The following DARS1 variants were observed in gnomAD, a reference collection of about 807,000 sequenced individuals.
The protein encoded by DARS1 is aspartyl-tRNA synthetase 1, also known as aspartate--tRNA ligase, cytoplasmic.
In DARS1, 51 loss-of-function variants were observed where a neutral mutation model predicts 68.8. The observed-to-expected ratio is 0.74, with a 90% CI of 0.59 to 0.94. The LOEUF (loss-of-function observed/expected upper bound fraction) is 0.94. DARS1 is among the 40% of genes least tolerant of loss of function. The pLI is 0.00. For missense variants in DARS1, 607 were observed against 597.3 expected, an observed-to-expected ratio of 1.02 and a Z score of -0.17; for synonymous variants, 203 against 190.4, an observed-to-expected ratio of 1.07 and a Z score of -0.55.
At chr2:135,954,325 CAAAA>C (rs1172207033) in intron 4 of DARS1, among the ~76,000 whole-genome samples, 5 of 81,478 alleles carry the variant, frequency 6.1e-5, no homozygotes, top group South Asian at 4.0e-4. Context: ...AAAACAAAAC[CAAAA>C]AAAAAAAAAA....
intron 4 of DARS1, among the ~76,000 whole-genome samples, chr2:135,948,095 T>C (rs1232174766): frequency 6.6e-6 from 1 of 152,232 alleles, no homozygotes. Flanking sequence ...TTTTTTTTCT[T>C]AGCACACCTT....
intron 10 of DARS1, among the ~76,000 whole-genome samples, chr2:135,917,053 C>T (rs546492118): frequency 1.3e-5 from 2 of 151,706 alleles, no homozygotes; most frequent in South Asian, 2.1e-4. Flanking sequence ...TGGGTGTGGT[C>T]GGGAGGCTGA....
chr2:135,976,572 G>A (rs1443066434), intron 3 of DARS1, among the ~76,000 whole-genome samples: 1 of 151,732 alleles, frequency 6.6e-6, no homozygotes, highest in African/African-American at 2.4e-5. Flanking sequence ...GAGGCAGGAG[G>A]CACTATCAAT....
intron 5 of DARS1, among the ~76,000 whole-genome samples, chr2:135,942,369 CT>C (rs1681621030): frequency 6.6e-6 from 1 of 151,866 alleles, no homozygotes; most frequent in African/African-American, 2.4e-5. Context: ...GTGGATGAAG[CT>C]GGAAACCATC....
chr2:135,913,589 T>C, intron 12 of DARS1, among the ~76,000 whole-genome samples: 1 of 152,036 alleles, frequency 6.6e-6, no homozygotes, highest in East Asian at 1.9e-4. Flanking sequence ...AAACCCTATC[T>C]CTACTAAAAA....
At chr2:135,916,476 A>C (rs1173582285) in intron 10 of DARS1, 104 bp from the exon 11 acceptor site, 1 of 542,550 alleles carries the variant, frequency 1.8e-6, no homozygotes, top group Non-Finnish European at 3.3e-6. Context: ...ATCAGTATAT[A>C]CACCAGGAAA....
At chr2:135,951,997 TTGGGAGGCTGAGGCGGG>T (rs1224951641) in intron 4 of DARS1, among the ~76,000 whole-genome samples, 5 of 152,138 alleles carry the variant, frequency 3.3e-5, no homozygotes, top group African/African-American at 7.2e-5. Context: ...TCCCTGCACT[TTGGGAGGCTGAGGCGGG>T]TGGATCACCT....
rs761071417 is a variant in DARS1, at chr2:135,979,349, C to T, written c.142G>A (p.Val48Ile). Residue 48 changes from valine (V) to isoleucine (I), a missense_variant, in exon 3 of 16, where the codon GTT becomes ATT. By Grantham distance (29) the Val-to-Ile change is conservative. Transcript: ENST00000264161. The part of the protein sequence containing the change: ...QEKPDRVLVR[V>I]RDLTIQKADE... ...GCTTTTTGTATTGTCAAGTCTCTAA[C>T]CCGAACCAAAACTCGATCTGTAATA... 5 of 1,444,194 alleles carry T rather than the reference C, an allele frequency of 3.5e-6. No homozygotes were observed. The highest frequency in any genetic ancestry group is 2.8e-5 in the African/African-American group (2 of 71,744). 89.5% of individuals were successfully genotyped at this position (1,444,194 alleles called of 1,614,324 possible). A position where few individuals can be genotyped will look rare whatever the true frequency, so the allele number is the denominator to read the frequency against.
At chr2:135,973,553 A>C (rs1682432271) in intron 3 of DARS1, among the ~76,000 whole-genome samples, 2 of 152,078 alleles carry the variant, frequency 1.3e-5, no homozygotes, top group Admixed American at 1.3e-4. Context: ...TGTACATTTA[A>C]AAATAACTAA....
At chr2:135,917,062 G>A (rs1253878665) in intron 10 of DARS1, among the ~76,000 whole-genome samples, 1 of 152,122 alleles carries the variant, frequency 6.6e-6, no homozygotes, top group Admixed American at 6.6e-5. Flanking sequence ...TCGGGAGGCT[G>A]AGGCAGGAGA....
At chr2:135,925,284 T>C (rs1681189984) in intron 7 of DARS1, among the ~76,000 whole-genome samples, 1 of 152,222 alleles carries the variant, frequency 6.6e-6, no homozygotes, top group South Asian at 2.1e-4. Flanking sequence ...TCCTGGCTTA[T>C]TATATTTTTA....
intron 3 of DARS1, among the ~76,000 whole-genome samples, chr2:135,971,532 C>T (rs933793134): frequency 9.9e-5 from 15 of 152,012 alleles, no homozygotes; most frequent in Middle Eastern, 3.2e-3. Flanking sequence ...ATCTGGAACA[C>T]GACAAGGATG....
rs191010528 is a variant in DARS1, at chr2:135,907,200, C to T, written c.*116G>A. 1.8e-4 allele frequency: 110 copies of T among 604,752 alleles called. No individual in the cohort carries two copies. The highest frequency in any genetic ancestry group is 4.5e-4 in the Middle Eastern group (1 of 2,246). The allele number at this position is 604,752 out of a possible 1,614,324, so 37.5% of individuals were successfully genotyped here. Reference sequence around the variant, plus strand: ...CATATTTTAAGTACCTAAAGTACAGCCTGTGCACTAGCAGGTTACTGAAAA... The same window carrying T: ...CATATTTTAAGTACCTAAAGTACAGTCTGTGCACTAGCAGGTTACTGAAAA... On this transcript the variant is annotated 3_prime_UTR_variant, in exon 16 of 16. Coordinates refer to ENST00000264161, the MANE Select transcript of DARS1 (RefSeq NM_001349.4).
intron 4 of DARS1, among the ~76,000 whole-genome samples, chr2:135,958,732 C>T (rs1272521958): frequency 1.3e-5 from 2 of 152,148 alleles, no homozygotes; most frequent in African/African-American, 4.8e-5. Flanking sequence ...TAGCAAAAGC[C>T]ATTAACCCAC....
At chr2:135,941,706 A>G (rs1681601108) in intron 5 of DARS1, among the ~76,000 whole-genome samples, 1 of 151,714 alleles carries the variant, frequency 6.6e-6, no homozygotes, top group African/African-American at 2.4e-5. Flanking sequence ...AGAAACTACC[A>G]TCAGAGTGAA....
intron 3 of DARS1, among the ~76,000 whole-genome samples, chr2:135,970,024 GTCT>G (rs1282980202): frequency 2.0e-5 from 3 of 152,124 alleles, no homozygotes; most frequent in Non-Finnish European, 4.4e-5. Context: ...GAACAGCACA[GTCT>G]TCTTGTGCTT....
Position 135,943,397 on chromosome 2 carries a change from A to C in DARS1, c.404T>G (p.Val135Gly). Residue 135 changes from valine (V) to glycine (G), a missense_variant, in exon 5 of 16, where the codon GTT becomes GGT. Physicochemically the swap from Val to Gly is moderately radical, Grantham distance 109 (BLOSUM62 -3). Transcript: ENST00000264161. ...ACTTACCTTCTGAACATGTAACTCAACGTCTTGCTGTGTACAGCTTCCAAT... is the reference window on the plus strand; with the variant it reads ...ACTTACCTTCTGAACATGTAACTCACCGTCTTGCTGTGTACAGCTTCCAAT... ...QKIGSCTQQD[V>G]ELHVQKIYVI... is the part of the protein sequence containing the mutation. 6.2e-7 allele frequency: 1 copy of C among 1,612,992 alleles called. No homozygotes were observed. Among genetic ancestry groups the C allele is most frequent in the South Asian group, 1.1e-5 (1 of 90,934 alleles).
chr2:135,945,057 A>C (rs1222140840), intron 4 of DARS1, among the ~76,000 whole-genome samples: 1 of 151,952 alleles, frequency 6.6e-6, no homozygotes, highest in Non-Finnish European at 1.5e-5. Context: ...CTCCTATTAG[A>C]AGGCATTTGC....
At chr2:135,914,664 C>G (rs1251482433) in intron 11 of DARS1, 153 bp from the exon 12 acceptor site, 2 of 639,806 alleles carry the variant, frequency 3.1e-6, no homozygotes, top group Non-Finnish European at 5.7e-6. Context: ...AAGGCAAGTA[C>G]TACTGAAAAT....
Sources: allele counts gnomAD v4.1 joint callset (sites outside exome capture counted in the v4.1 genomes callset), GRCh38; gene constraint gnomAD v4.1.1; transcripts MANE v1.5; gene names NCBI Gene and HGNC (gene_info 2026-07-23, HGNC 2026-07-21).